Variants in CDH12 observed in about 807,000 individuals in gnomAD.
CDH12 encodes cadherin 12.
A neutral mutation model predicts 74.1 loss-of-function variants in CDH12; 41 were observed. The observed-to-expected ratio is 0.55, with a 90% CI of 0.43 to 0.72. The LOEUF is 0.72. Ranked by LOEUF, CDH12 falls within the 30% of genes least tolerant of loss-of-function variation. CDH12 has a pLI of 0.00. For missense variants in CDH12, 945 were observed against 977.2 expected, an observed-to-expected ratio of 0.97 and a Z score of 0.44; for synonymous variants, 399 against 355.0, an observed-to-expected ratio of 1.12 and a Z score of -1.39.
intron 3 of CDH12, among the ~76,000 whole-genome samples, chr5:22,216,278 T>C (rs1269394457): frequency 6.6e-6 from 1 of 152,004 alleles, no homozygotes; most frequent in Admixed American, 6.6e-5. Context: ...GACAGGGAAC[T>C]TGTGATTTAT....
intron 5 of CDH12, among the ~76,000 whole-genome samples, chr5:22,041,325 A>T (rs1480232957): frequency 6.6e-6 from 1 of 152,144 alleles, no homozygotes; most frequent in African/African-American, 2.4e-5. Flanking sequence ...TTATCTGTCA[A>T]TAATTACTTT....
intron 3 of CDH12, among the ~76,000 whole-genome samples, chr5:22,357,439 AAATT>A (rs1740612058): frequency 6.6e-6 from 1 of 152,146 alleles, no homozygotes; most frequent in Non-Finnish European, 1.5e-5. Flanking sequence ...TGGAAGATAA[AAATT>A]AATCCATAAA....
At chr5:22,002,582 G>T (rs1736668600) in intron 5 of CDH12, among the ~76,000 whole-genome samples, 1 of 151,960 alleles carries the variant, frequency 6.6e-6, no homozygotes, top group Non-Finnish European at 1.5e-5. Flanking sequence ...TAATTTATCT[G>T]ATTGAGCATC....
At chr5:22,684,795 A>G (rs1017084142) in intron 1 of CDH12, among the ~76,000 whole-genome samples, 6 of 152,190 alleles carry the variant, frequency 3.9e-5, no homozygotes. Context: ...TTGTGCATAT[A>G]CACACAGATC....
At chr5:22,823,980 A>G (rs1030038072) in intron 1 of CDH12, among the ~76,000 whole-genome samples, 5 of 152,188 alleles carry the variant, frequency 3.3e-5, no homozygotes, top group Admixed American at 2.6e-4. Flanking sequence ...CAAAGGTGAC[A>G]TAAATCTCAA....
intron 7 of CDH12, among the ~76,000 whole-genome samples, chr5:21,842,740 C>T (rs576832408): frequency 6.6e-6 from 1 of 152,208 alleles, no homozygotes; most frequent in African/African-American, 2.4e-5. Context: ...ATTATTACTA[C>T]TTTCTTCTTT....
At chr5:22,802,266 C>T (rs1401370767) in intron 1 of CDH12, among the ~76,000 whole-genome samples, 7 of 151,680 alleles carry the variant, frequency 4.6e-5, no homozygotes, top group African/African-American at 1.2e-4. Context: ...GGACTACAGG[C>T]GCCCGCCACC....
chr5:21,920,550 A>C (rs1433740776), intron 6 of CDH12, among the ~76,000 whole-genome samples: 1 of 151,908 alleles, frequency 6.6e-6, no homozygotes, highest in East Asian at 1.9e-4. Context: ...CAGGGGAGGG[A>C]AAGCATTAGG....
At chr5:22,003,072 G>A (rs766457475) in intron 5 of CDH12, among the ~76,000 whole-genome samples, 11 of 152,018 alleles carry the variant, frequency 7.2e-5, no homozygotes, top group Non-Finnish European at 5.9e-5. Flanking sequence ...AATAATACCT[G>A]TATGGGAAAT....
At chr5:22,804,502 G>A (rs1047813735) in intron 1 of CDH12, among the ~76,000 whole-genome samples, 5 of 152,170 alleles carry the variant, frequency 3.3e-5, no homozygotes, top group South Asian at 2.1e-4. Context: ...AGGAGGTGAC[G>A]CTGCAGTCGT....
At chr5:22,399,190 G>GTATC (rs3039455) in intron 3 of CDH12, among the ~76,000 whole-genome samples, 20,352 of 148,054 alleles carry the variant, frequency 0.14, 1,430 homozygotes, top group East Asian at 0.17. Context: ...AATCTACCCA[G>GTATC]TATCTATCTA....
intron 4 of CDH12, among the ~76,000 whole-genome samples, chr5:22,100,395 C>G (rs1486829715): frequency 6.6e-6 from 1 of 152,064 alleles, no homozygotes; most frequent in Non-Finnish European, 1.5e-5. Flanking sequence ...GAAGGAAATA[C>G]TATTAAGCAA....
chr5:22,100,465 A>G (rs1744072748), intron 4 of CDH12, among the ~76,000 whole-genome samples: 1 of 152,168 alleles, frequency 6.6e-6, no homozygotes, highest in Non-Finnish European at 1.5e-5. Flanking sequence ...GGCAAAAACA[A>G]GATCACACAA....
chr5:21,772,483 C>T (rs137916019), intron 11 of CDH12, among the ~76,000 whole-genome samples: 97 of 152,202 alleles, frequency 6.4e-4, no homozygotes, highest in African/African-American at 2.1e-3. Flanking sequence ...TTTCTGCCAA[C>T]GAAAATATCT....
intron 5 of CDH12, among the ~76,000 whole-genome samples, chr5:22,017,409 T>C (rs1414920531): frequency 1.1e-4 from 17 of 152,214 alleles, no homozygotes. Flanking sequence ...CATGCTCCTC[T>C]CTCCTCCTCA....
At chr5:22,696,393 T>G (rs1391347718) in intron 1 of CDH12, among the ~76,000 whole-genome samples, 1 of 144,794 alleles carries the variant, frequency 6.9e-6, no homozygotes, top group Non-Finnish European at 1.5e-5. Context: ...AAAAAAAAAT[T>G]TTCTTTTATT....
At chr5:22,250,699 G>A (rs897277290) in intron 3 of CDH12, among the ~76,000 whole-genome samples, 2 of 152,168 alleles carry the variant, frequency 1.3e-5, no homozygotes, top group African/African-American at 4.8e-5. Context: ...TCTTCACTAA[G>A]GATGGTAAAT....
At chr5:22,237,802 C>T (rs191046275) in intron 3 of CDH12, among the ~76,000 whole-genome samples, 2 of 152,212 alleles carry the variant, frequency 1.3e-5, no homozygotes, top group East Asian at 1.9e-4. Flanking sequence ...ATATGCTGAG[C>T]GTACCACTTC....
intron 3 of CDH12, among the ~76,000 whole-genome samples, chr5:22,238,110 G>A (rs558509331): frequency 8.3e-4 from 126 of 152,264 alleles, no homozygotes; most frequent in Middle Eastern, 3.4e-3. Context: ...AACTCCTGAA[G>A]GAGCTTCAAG....
Sources: gnomAD v4.1 joint callset for allele counts (sites outside exome capture counted in the v4.1 genomes callset) on GRCh38, gnomAD v4.1.1 for gene constraint, MANE v1.5 for transcripts, NCBI Gene and HGNC (gene_info 2026-07-23, HGNC 2026-07-21) for gene names.